Variants in PRKAG2 observed in about 807,000 individuals in gnomAD.
The protein encoded by PRKAG2 is protein kinase AMP-activated non-catalytic subunit gamma 2, also known as 5'-AMP-activated protein kinase subunit gamma-2.
PRKAG2 carries 26 observed loss-of-function variants against 69.6 expected under a neutral mutation model. The ratio of observed to expected loss-of-function variants is 0.37; its 90% CI spans 0.27 to 0.52. PRKAG2 has a LOEUF of 0.52. PRKAG2 is among the 20% of genes least tolerant of loss of function. The probability of loss-of-function intolerance (pLI) is 0.90; values close to 1 mark genes in which losing one functional copy is unlikely to be tolerated. For missense variants in PRKAG2, 557 were observed against 740.0 expected (o/e 0.75, Z 2.87); for synonymous variants, 293 against 285.0 (o/e 1.03, Z -0.28).
chr7:151,595,182 A>G (rs1412038732), intron 6 of PRKAG2, among the ~76,000 whole-genome samples, 163 bp downstream of exon 6: 1 of 152,226 alleles, frequency 6.6e-6, no homozygotes, highest in Admixed American at 6.5e-5. Flanking sequence ...CATTTCTTAT[A>G]AGGTTGCCAA....
chr7:151,571,969 C>T (rs76331945), intron 9 of PRKAG2, among the ~76,000 whole-genome samples: 22,191 of 152,198 alleles, frequency 0.15, 1,731 homozygotes, highest in African/African-American at 0.18. Flanking sequence ...CCAAAGGCTC[C>T]GCTGTTGCAG....
intron 3 of PRKAG2, among the ~76,000 whole-genome samples, chr7:151,685,884 T>A (rs1291868480): frequency 6.6e-6 from 1 of 152,206 alleles, no homozygotes; most frequent in East Asian, 1.9e-4. Flanking sequence ...CTATATTTTT[T>A]AAAACAAAAC....
intron 3 of PRKAG2, among the ~76,000 whole-genome samples, chr7:151,685,404 G>A (rs1834571095): frequency 6.6e-6 from 1 of 152,086 alleles, no homozygotes; most frequent in South Asian, 2.1e-4. Context: ...TGAAAAATAG[G>A]GTGTTTAACA....
At chr7:151,648,367 T>C (rs1378715439) in intron 4 of PRKAG2, among the ~76,000 whole-genome samples, 1 of 152,224 alleles carries the variant, frequency 6.6e-6, no homozygotes, top group Non-Finnish European at 1.5e-5. Flanking sequence ...TTCATCCTTG[T>C]ACCGCCTGAA....
chr7:151,597,965 C>T (rs1019114703), intron 5 of PRKAG2, among the ~76,000 whole-genome samples: 6 of 152,058 alleles, frequency 3.9e-5, no homozygotes, highest in Admixed American at 1.3e-4. Flanking sequence ...CGGGTATATA[C>T]CCAAAGGAAA....
chr7:151,628,081 C>T (rs967103778), intron 5 of PRKAG2, among the ~76,000 whole-genome samples: 24 of 152,206 alleles, frequency 1.6e-4, no homozygotes, highest in African/African-American at 4.8e-4. Context: ...TGGCAAGACA[C>T]TCTCTGCTAA....
chr7:151,761,436 A>G (rs2075406450), intron 3 of PRKAG2, among the ~76,000 whole-genome samples: 1 of 152,114 alleles, frequency 6.6e-6, no homozygotes, highest in Non-Finnish European at 1.5e-5. Context: ...AGACTTCTGC[A>G]TTTCTGGCAA....
chr7:151,668,456 G>T (rs1392092271), intron 4 of PRKAG2, among the ~76,000 whole-genome samples: 2 of 152,208 alleles, frequency 1.3e-5, no homozygotes, highest in Non-Finnish European at 2.9e-5. Context: ...AGAGAATTCA[G>T]ACTATAGAAT....
At chr7:151,712,038 C>A (rs1795404704) in intron 3 of PRKAG2, among the ~76,000 whole-genome samples, 1 of 152,224 alleles carries the variant, frequency 6.6e-6, no homozygotes, top group African/African-American at 2.4e-5. Flanking sequence ...GTGTACAGAT[C>A]CCATGTCAGG....
intron 7 of PRKAG2, among the ~76,000 whole-genome samples, chr7:151,575,204 G>A (rs1448001522): frequency 1.3e-5 from 2 of 152,286 alleles, no homozygotes; most frequent in South Asian, 4.1e-4. Context: ...AAATCAATGA[G>A]AGAAAACTCA....
At chr7:151,623,148 C>T (rs916557576) in intron 5 of PRKAG2, among the ~76,000 whole-genome samples, 6 of 151,904 alleles carry the variant, frequency 3.9e-5, no homozygotes, top group African/African-American at 9.7e-5. Context: ...AGGCAGATCA[C>T]GAGGTCAGGA....
At chr7:151,626,918 A>AT (rs1010342417) in intron 5 of PRKAG2, among the ~76,000 whole-genome samples, 20 of 151,946 alleles carry the variant, frequency 1.3e-4, no homozygotes, top group African/African-American at 4.4e-4. Context: ...AACAGCTGCA[A>AT]TTTTTTTGTC....
intron 4 of PRKAG2, among the ~76,000 whole-genome samples, chr7:151,635,976 T>G (rs1375594078): frequency 6.6e-6 from 1 of 151,686 alleles, no homozygotes; most frequent in African/African-American, 2.4e-5. Flanking sequence ...CACGCCATTC[T>G]CCTGCCTTAG....
intron 3 of PRKAG2, among the ~76,000 whole-genome samples, chr7:151,758,018 G>C (rs2075203536): frequency 6.6e-6 from 1 of 152,336 alleles, no homozygotes; most frequent in South Asian, 2.1e-4. Context: ...TCTTCCCCGG[G>C]TGTCAGAGTA....
chr7:151,698,644 C>T (rs914855548), intron 3 of PRKAG2, among the ~76,000 whole-genome samples: 8 of 152,130 alleles, frequency 5.3e-5, no homozygotes, highest in Non-Finnish European at 1.0e-4. Context: ...CCTGAGGCCT[C>T]GCCAGGAGCA....
Position 151,576,421 on chromosome 7 carries a change from T to C in PRKAG2, c.896A>G (p.Asn299Ser), listed in dbSNP as rs764040041. 12 of 1,610,904 alleles carry C rather than the reference T, an allele frequency of 7.4e-6. No individual in the cohort carries two copies. The highest frequency in any genetic ancestry group is 1.0e-5 in the Non-Finnish European group (12 of 1,177,080). The change falls in exon 7 of 16, where the codon AAC (asparagine) becomes AGC (serine). Residue 299 changes from asparagine (N) to serine (S), a missense_variant. By Grantham distance (46) the Asn-to-Ser change is conservative. Transcript: ENST00000287878. The stretch of plus-strand genomic sequence containing the variant: ...CCACAGTGGCGCTGCTCGGACACCG[T>C]TGGCTACCAAAGCAAAGAAGGCCTT... ...VKKAFFALVA[N>S]GVRAAPLWES...
At chr7:151,855,002 CCA>C (rs148870935) in intron 1 of PRKAG2, among the ~76,000 whole-genome samples, 56 of 32,840 alleles carry the variant, frequency 1.7e-3, no homozygotes, top group African/African-American at 6.0e-3. Flanking sequence ...ACACCATGCT[CCA>C]CACACACCAC....
rs1425296851 is a variant in PRKAG2, at chr7:151,568,777, A to G, written c.1172T>C (p.Ile391Thr). ...AAGTATATAAAGTGCATTCCCACTG[A>G]TAGGGTCAATAACGGGCAATCTGTG... Reference protein sequence around the residue: ...KIHRLPVIDPISGNALYILTH... With the variant: ...KIHRLPVIDPTSGNALYILTH... The change falls in exon 11 of 16, where the codon ATC becomes ACC. Residue 391 changes from isoleucine to threonine, a missense_variant. This residue lies in a region of PRKAG2 where 205 missense variants were observed against 383.4 expected (regional missense o/e 0.53). Coordinates refer to ENST00000287878, the MANE Select transcript of PRKAG2 (RefSeq NM_016203.4). 6 of 1,613,856 alleles carry G rather than the reference A, an allele frequency of 3.7e-6. No homozygotes were observed. Among genetic ancestry groups the G allele is most frequent in the African/African-American group, 1.3e-5 (1 of 74,936 alleles).
At chr7:151,810,599 G>A (rs1023726832) in intron 1 of PRKAG2, 1 of 153,070 alleles carries the variant, frequency 6.5e-6, no homozygotes, top group Non-Finnish European at 1.5e-5. Flanking sequence ...GGCAGTTCCT[G>A]GCAGCGCCTG....
Sources: gnomAD v4.1 joint callset for allele counts (sites outside exome capture counted in the v4.1 genomes callset) on GRCh38, gnomAD v4.1.1 for gene constraint, gnomAD v4.1.1 regional missense constraint, MANE v1.5 for transcripts, NCBI Gene and HGNC (gene_info 2026-07-23, HGNC 2026-07-21) for gene names.